WWTR1: variants seen among roughly 807,000 people sequenced by gnomAD.
The protein encoded by WWTR1 is WW domain-containing transcription regulator protein 1.
In WWTR1, 13 loss-of-function variants were observed where a neutral mutation model predicts 40.1. That is an observed-to-expected ratio of 0.32 (90% CI 0.21 to 0.52). The LOEUF (loss-of-function observed/expected upper bound fraction) is 0.52, where lower values mean the gene tolerates loss of function less well. Among genes scored for constraint, WWTR1 ranks in the 20% least tolerant of loss-of-function variants. The pLI is 0.97. For missense variants in WWTR1, 436 were observed against 523.1 expected (o/e 0.83, Z 1.63); for synonymous variants, 230 against 210.1 (o/e 1.09, Z -0.82).
chr3:149,641,013 G>A (rs564294652), intron 2 of WWTR1, among the ~76,000 whole-genome samples: 1 of 152,070 alleles, frequency 6.6e-6, no homozygotes, highest in Admixed American at 6.5e-5. Flanking sequence ...CATTCATTTA[G>A]GAGCTCATAT....
chr3:149,630,038 T>G (rs1035042717), intron 2 of WWTR1, among the ~76,000 whole-genome samples: 1 of 151,944 alleles, frequency 6.6e-6, no homozygotes, highest in Non-Finnish European at 1.5e-5. Context: ...TACAGATGAG[T>G]TCTCACTATG....
chr3:149,622,506 A>AAGG (rs1560089799), intron 2 of WWTR1, among the ~76,000 whole-genome samples: 264 of 91,476 alleles, frequency 2.9e-3, no homozygotes, highest in Non-Finnish European at 4.8e-3. Flanking sequence ...AGGAAGGAAG[A>AAGG]AAGAAAGAAA....
chr3:149,595,321 CTCTT>C (rs1738945405), intron 2 of WWTR1, among the ~76,000 whole-genome samples: 1 of 152,066 alleles, frequency 6.6e-6, no homozygotes, highest in Non-Finnish European at 1.5e-5. Flanking sequence ...AGAGCAAACT[CTCTT>C]TCAACATTTT....
intron 2 of WWTR1, among the ~76,000 whole-genome samples, chr3:149,627,391 T>C (rs1251314092): frequency 6.6e-6 from 1 of 152,094 alleles, no homozygotes; most frequent in East Asian, 1.9e-4. Context: ...TGAAATGCAA[T>C]GAGCAGAGGA....
At chr3:149,690,585 G>C in intron 1 of WWTR1, among the ~76,000 whole-genome samples, 1 of 152,048 alleles carries the variant, frequency 6.6e-6, no homozygotes, top group African/African-American at 2.4e-5. Context: ...ATATATACAT[G>C]CACTCAACAA....
chr3:149,627,072 T>C (rs1411531350), intron 2 of WWTR1, among the ~76,000 whole-genome samples: 2 of 152,180 alleles, frequency 1.3e-5, no homozygotes, highest in African/African-American at 4.8e-5. Context: ...AAATGCAAGA[T>C]GCCCAGCTAA....
At position 149,519,755 on chromosome 3, in the gene WWTR1, A is replaced by AGG; in HGVS notation, c.*1049_*1050insCC. 1.3e-5 allele frequency: 2 copies of AGG among 152,238 alleles called. 1 individual carries two copies. Among genetic ancestry groups the AGG allele is most frequent in the South Asian group, 4.1e-4 (2 of 4,832 alleles). The allele number at this position is 152,238 out of a possible 1,614,324, so 9.4% of individuals were successfully genotyped here. A position where few individuals can be genotyped will look rare whatever the true frequency, so the allele number is the denominator to read the frequency against. ...TCAGGAGTTTGAGAACAGCCTGACC[A>AGG]TTATGGTGAAACCCCGTCTCTACTC... is the stretch of plus-strand genomic sequence containing the variant. On this transcript the variant is annotated 3_prime_UTR_variant, in exon 7 of 7. Coordinates refer to ENST00000360632, the MANE Select transcript of WWTR1 (RefSeq NM_015472.6).
At chr3:149,655,593 T>C (rs13325622) in intron 2 of WWTR1, among the ~76,000 whole-genome samples, 67,853 of 152,104 alleles carry the variant, frequency 0.45, 15,204 homozygotes, top group East Asian at 0.57. Flanking sequence ...GTGGCATAAA[T>C]GACCATCAAG....
chr3:149,572,944 A>G lies in WWTR1; in HGVS notation c.488T>C (p.Leu163Pro), dbSNP rs1183739240. ...QDPRKAMNQP[L>P]NHMNLHPAVS... ...GGCAGGGTGGAGGTTCATATGATTCAGAGGCTGATTCATCGCCTTCCTAGG... is the reference window on the plus strand; with the variant it reads ...GGCAGGGTGGAGGTTCATATGATTCGGAGGCTGATTCATCGCCTTCCTAGG... The change falls in exon 3 of 7, where the codon CTG (leucine) becomes CCG (proline). Residue 163 changes from leucine (L) to proline (P), a missense_variant. Physicochemically the swap from Leu to Pro is moderately conservative, Grantham distance 98. Coordinates refer to ENST00000360632, the MANE Select transcript of WWTR1 (RefSeq NM_015472.6). The G allele has an allele frequency of 1.9e-6, 3 of 1,613,544 alleles. No individual in the cohort carries two copies. Among genetic ancestry groups the G allele is most frequent in the Admixed American group, 1.7e-5 (1 of 59,892 alleles).
At chr3:149,663,085 TGCAATGGC>T (rs1713653129) in intron 2 of WWTR1, among the ~76,000 whole-genome samples, 1 of 152,084 alleles carries the variant, frequency 6.6e-6, no homozygotes, top group African/African-American at 2.4e-5. Context: ...CAGGCTGGAG[TGCAATGGC>T]GCAATCTCAG....
At chr3:149,699,958 G>A (rs1414914909) in intron 1 of WWTR1, among the ~76,000 whole-genome samples, 1 of 152,042 alleles carries the variant, frequency 6.6e-6, no homozygotes, top group Non-Finnish European at 1.5e-5. Context: ...GTCCACTTTC[G>A]CATTACTATA....
At position 149,568,523 on chromosome 3, in the gene WWTR1, C is replaced by CAAAAAAAA. The variant is rs34414853; in HGVS notation, c.568+4333_568+4340dup. On this transcript the variant is annotated intron_variant, in intron 3 of 6. Transcript: ENST00000360632. Reference sequence around the variant, plus strand: ...GGAGATGGCTATTTGAATTAAAGTGCAAAAAAAAAAAAAAAAAAAAAAAAA... The same window carrying CAAAAAAAA: ...GGAGATGGCTATTTGAATTAAAGTGCAAAAAAAAAAAAAAAAAAAAAAAAAAAAAAAAA... 2.2e-3 allele frequency among the ~76,000 whole-genome samples: 143 copies of CAAAAAAAA among 64,810 alleles called. 23 individuals carry two copies. The highest frequency in any genetic ancestry group is 3.2e-3 in the African/African-American group (65 of 20,626). The allele number at this position is 64,810 out of a possible 152,430, so 42.5% of individuals were successfully genotyped here.
chr3:149,706,387 C>T (rs565167453), upstream of WWTR1, among the ~76,000 whole-genome samples: 5 of 152,118 alleles, frequency 3.3e-5, no homozygotes, highest in East Asian at 7.7e-4. Context: ...GGCGTGATCT[C>T]GGCTCACCAC....
intron 2 of WWTR1, among the ~76,000 whole-genome samples, chr3:149,596,278 A>G (rs1300093944): frequency 6.6e-6 from 1 of 152,188 alleles, no homozygotes; most frequent in East Asian, 1.9e-4. Context: ...AAGCCATCAT[A>G]TTCCTGCCCT....
chr3:149,721,957 G>A (rs1394630914), intron 4 of WWTR1, among the ~76,000 whole-genome samples: 1 of 152,076 alleles, frequency 6.6e-6, no homozygotes, highest in East Asian at 1.9e-4. Context: ...ATTTCTTTGT[G>A]GCTTAGTCTT....
chr3:149,656,791 T>TCTCTCACACACA lies in WWTR1; in HGVS notation c.431+84_431+85insTGTGTGTGAGAG, dbSNP rs1553805464. On this transcript the variant is annotated intron_variant, in intron 2 of 6. Coordinates refer to ENST00000360632, the MANE Select transcript of WWTR1 (RefSeq NM_015472.6). The stretch of plus-strand genomic sequence containing the variant: ...CTCTCTCTCTCTCTCTCTCTCTCTC[T>TCTCTCACACACA]CACACACACACACACACACACACGA... 113 of 648,242 alleles carry TCTCTCACACACA rather than the reference T, an allele frequency of 1.7e-4. No individual in the cohort carries two copies. The African/African-American group carries it at 2.0e-3, about 12-fold the overall frequency. 40.2% of individuals were successfully genotyped at this position (648,242 alleles called of 1,614,324 possible). A position where few individuals can be genotyped will look rare whatever the true frequency, so the allele number is the denominator to read the frequency against.
At chr3:149,560,673 G>A (rs530185079) in intron 3 of WWTR1, among the ~76,000 whole-genome samples, 14 of 151,932 alleles carry the variant, frequency 9.2e-5, no homozygotes, top group South Asian at 2.1e-4. Context: ...TCTTTCCAGC[G>A]CTGCAAATAT....
At chr3:149,599,844 C>T (rs1387465423) in intron 2 of WWTR1, among the ~76,000 whole-genome samples, 1 of 152,270 alleles carries the variant, frequency 6.6e-6, no homozygotes, top group East Asian at 1.9e-4. Flanking sequence ...GAGTTTGAGA[C>T]ATCTTTAAAT....
chr3:149,524,775 G>A (rs1204827790), intron 6 of WWTR1, among the ~76,000 whole-genome samples: 1 of 152,172 alleles, frequency 6.6e-6, no homozygotes, highest in African/African-American at 2.4e-5. Flanking sequence ...AACACAAAGA[G>A]AAGCCATCAA....
Sources: allele counts gnomAD v4.1 joint callset (sites outside exome capture counted in the v4.1 genomes callset), GRCh38; gene constraint gnomAD v4.1.1; transcripts MANE v1.5; gene names NCBI Gene and HGNC (gene_info 2026-07-23, HGNC 2026-07-21).